AGMO: variants seen among roughly 807,000 people sequenced by gnomAD.
AGMO encodes alkylglycerol monooxygenase.
A neutral mutation model predicts 60.2 loss-of-function variants in AGMO; 75 were observed. The ratio of observed to expected loss-of-function variants is 1.25; its 90% confidence interval spans 1.03 to 1.51. The LOEUF (loss-of-function observed/expected upper bound fraction) is 1.51. Ranked by LOEUF, AGMO falls within the 40% of genes most tolerant of loss-of-function variation. The pLI, the probability that AGMO is intolerant of heterozygous loss-of-function variation, is 0.00. For synonymous variants in AGMO, 261 were observed against 177.1 expected (o/e 1.47, Z -3.76); for missense variants, 763 against 525.5 (o/e 1.45, Z -4.42).
At chr7:15,377,676 G>C (rs1783507463) in intron 10 of AGMO, among the ~76,000 whole-genome samples, 1 of 152,048 alleles carries the variant, frequency 6.6e-6, no homozygotes, top group South Asian at 2.1e-4. Context: ...TATATCAACA[G>C]TTGGATATTT....
Position 15,561,944 on chromosome 7 carries a change from C to G in AGMO, c.-99G>C. 1 of 1,313,768 alleles carries G rather than the reference C, an allele frequency of 7.6e-7. No individual in the cohort carries two copies. Among genetic ancestry groups the G allele is most frequent in the Non-Finnish European group, 1.0e-6 (1 of 975,116 alleles). The allele number at this position is 1,313,768 out of a possible 1,614,324, so 81.4% of individuals were successfully genotyped here. On this transcript the variant is annotated 5_prime_UTR_variant, in exon 1 of 13. Transcript: ENST00000342526. ...GACGAGATGTGCAGCTCAGAACAAG[C>G]TCTTTGTCAGAGAACAGCTAAAACC... is the stretch of plus-strand genomic sequence containing the variant.
intron 12 of AGMO, among the ~76,000 whole-genome samples, chr7:15,352,476 T>G (rs4276566): frequency 0.14 from 20,089 of 145,788 alleles, 1,966 homozygotes; most frequent in African/African-American, 0.29. Flanking sequence ...TAGATCAGGG[T>G]GCAAAGGAAG....
chr7:15,501,990 G>C (rs1200258129), intron 3 of AGMO, among the ~76,000 whole-genome samples: 1 of 151,898 alleles, frequency 6.6e-6, no homozygotes, highest in Non-Finnish European at 1.5e-5. Context: ...AAAATGGAAA[G>C]AACAATTTGG....
chr7:15,206,315 T>A (rs929748883), intron 12 of AGMO, among the ~76,000 whole-genome samples: 1 of 151,814 alleles, frequency 6.6e-6, no homozygotes, highest in Non-Finnish European at 1.5e-5. Context: ...AAATTGAGAA[T>A]TGTTTTCACT....
intron 12 of AGMO, among the ~76,000 whole-genome samples, chr7:15,349,228 T>C (rs1172350631): frequency 6.6e-6 from 1 of 152,144 alleles, no homozygotes; most frequent in Non-Finnish European, 1.5e-5. Flanking sequence ...ACATTAAAGA[T>C]AACTGGCTTT....
the AGMO span, among the ~76,000 whole-genome samples, chr7:15,154,102 G>A: frequency 2.4e-4 from 36 of 152,180 alleles, no homozygotes; most frequent in African/African-American, 8.4e-4. Flanking sequence ...ACTGTTTGCT[G>A]ATGATATGAT....
At chr7:15,495,371 G>A (rs989271653) in intron 3 of AGMO, among the ~76,000 whole-genome samples, 3 of 152,210 alleles carry the variant, frequency 2.0e-5, no homozygotes, top group African/African-American at 7.2e-5. Flanking sequence ...GTGTTTCAGA[G>A]ATAATTCAGT....
At chr7:15,354,367 T>TAC (rs1563105038) in intron 12 of AGMO, among the ~76,000 whole-genome samples, 10 of 64,148 alleles carry the variant, frequency 1.6e-4, no homozygotes, top group African/African-American at 1.1e-3. Flanking sequence ...CGTGTGTATA[T>TAC]AGACGTGTGT....
intron 12 of AGMO, among the ~76,000 whole-genome samples, chr7:15,345,939 G>T (rs755731844): frequency 1.2e-4 from 18 of 152,028 alleles, no homozygotes; most frequent in Non-Finnish European, 2.5e-4. Context: ...TGAGGGAAAT[G>T]AAACATCAAT....
At chr7:15,340,727 A>G (rs1781817602) in intron 12 of AGMO, among the ~76,000 whole-genome samples, 1 of 152,186 alleles carries the variant, frequency 6.6e-6, no homozygotes, top group East Asian at 1.9e-4. Context: ...GGATATATAA[A>G]AACACCTGGT....
chr7:15,511,233 T>C (rs974761217), intron 3 of AGMO, among the ~76,000 whole-genome samples: 1 of 152,088 alleles, frequency 6.6e-6, no homozygotes, highest in Non-Finnish European at 1.5e-5. Context: ...CATGCACTCA[T>C]GCAGGACCAT....
chr7:15,549,508 G>A (rs1252882587), intron 2 of AGMO, among the ~76,000 whole-genome samples: 3 of 151,940 alleles, frequency 2.0e-5, no homozygotes, highest in East Asian at 1.9e-4. Context: ...AAAGGCAGGG[G>A]TTGCAATCCT....
At position 15,247,457 on chromosome 7, in the gene AGMO, C is replaced by CAG. The variant is rs1264615405; in HGVS notation, c.1264-46099_1264-46098insCT. On this transcript the variant is annotated intron_variant, in intron 12 of 12. Coordinates refer to ENST00000342526, the MANE Select transcript of AGMO (RefSeq NM_001004320.2). Reference sequence around the variant, plus strand: ...ACACACACACACACACACACACACACACAGAGAGAGAGAGAGAGAGAGGGA... The same window carrying CAG: ...ACACACACACACACACACACACACACAGACAGAGAGAGAGAGAGAGAGAGGGA... 1.5e-3 allele frequency among the ~76,000 whole-genome samples: 178 copies of CAG among 119,426 alleles called. 1 individual carries two copies. The highest frequency in any genetic ancestry group is 2.3e-3 in the Non-Finnish European group (137 of 59,120). The allele number at this position is 119,426 out of a possible 152,430, so 78.3% of individuals were successfully genotyped here.
At chr7:15,339,172 G>C (rs948026344) in intron 12 of AGMO, among the ~76,000 whole-genome samples, 1 of 152,186 alleles carries the variant, frequency 6.6e-6, no homozygotes, top group Non-Finnish European at 1.5e-5. Flanking sequence ...ATGGGAGAAA[G>C]AGGGAGAAGT....
chr7:15,545,680 G>T (rs1322944159), intron 2 of AGMO, among the ~76,000 whole-genome samples: 1 of 151,828 alleles, frequency 6.6e-6, no homozygotes, highest in East Asian at 1.9e-4. Context: ...AATATATCTT[G>T]CCATCTATTT....
At chr7:15,435,193 T>C (rs1435188432) in intron 3 of AGMO, among the ~76,000 whole-genome samples, 1 of 152,176 alleles carries the variant, frequency 6.6e-6, no homozygotes, top group Non-Finnish European at 1.5e-5. Flanking sequence ...AGAGGTTTTC[T>C]GTGGACATGA....
intron 8 of AGMO, among the ~76,000 whole-genome samples, chr7:15,388,544 C>G (rs1463554395): frequency 6.6e-6 from 1 of 152,118 alleles, no homozygotes; most frequent in Non-Finnish European, 1.5e-5. Flanking sequence ...GGACACAAGC[C>G]ATGAGAAATA....
the AGMO span, among the ~76,000 whole-genome samples, chr7:15,168,870 T>A: frequency 6.6e-6 from 1 of 152,232 alleles, no homozygotes; most frequent in East Asian, 1.9e-4. Context: ...TGCAAATTCC[T>A]AGTGCCACTC....
chr7:15,178,400 A>T, the AGMO span, among the ~76,000 whole-genome samples: 1 of 152,086 alleles, frequency 6.6e-6, no homozygotes, highest in Non-Finnish European at 1.5e-5. Context: ...GAAGTCTGAA[A>T]CTCATTTACT....
Sources: gnomAD v4.1 joint callset for allele counts (sites outside exome capture counted in the v4.1 genomes callset) on GRCh38, gnomAD v4.1.1 for gene constraint, MANE v1.5 for transcripts, NCBI Gene and HGNC (gene_info 2026-07-23, HGNC 2026-07-21) for gene names.